The following PRKG1 variants were observed in gnomAD, a reference collection of about 807,000 sequenced individuals.
The protein encoded by PRKG1 is cGMP-dependent protein kinase 1.
PRKG1 carries 35 observed loss-of-function variants against 88.1 expected under a neutral mutation model. That is an observed-to-expected ratio of 0.40 (90% CI 0.30 to 0.53). The LOEUF (loss-of-function observed/expected upper bound fraction) is 0.53. Ranked by LOEUF, PRKG1 falls within the 20% of genes least tolerant of loss-of-function variation. The probability of loss-of-function intolerance (pLI) is 0.59; values close to 1 mark genes in which losing one functional copy is unlikely to be tolerated. For synonymous variants in PRKG1, 303 were observed against 292.5 expected (o/e 1.04, Z -0.37); for missense variants, 540 against 839.8 (o/e 0.64, Z 4.41).
At chr10:52,233,783 C>T (rs921542810) in intron 9 of PRKG1, among the ~76,000 whole-genome samples, 21 of 151,468 alleles carry the variant, frequency 1.4e-4, no homozygotes, top group East Asian at 1.2e-3. Flanking sequence ...ACAAAGCAGC[C>T]GGGAAGCTCG....
intron 2 of PRKG1, chr10:51,320,185 A>G (rs1342161322): frequency 6.3e-6 from 1 of 159,300 alleles, no homozygotes; most frequent in African/African-American, 2.4e-5. Context: ...TTGATGTACA[A>G]TTTGAATGAG....
In PRKG1 at chr10:51,406,190, A is replaced by T. The variant is rs539536349; in HGVS notation, c.479-61533A>T. On this transcript the variant is annotated intron_variant, in intron 2 of 17. Transcript: ENST00000373980. The stretch of plus-strand genomic sequence containing the variant: ...CCAGCCCCACTGCCTGCTGCTGCAG[A>T]ACTCAACCAATGAAATCAATTTGTT... Among the ~76,000 whole-genome samples, 67 of 152,290 alleles carry T rather than the reference A, an allele frequency of 4.4e-4. 2 individuals carry two copies. The highest frequency in any genetic ancestry group is 4.0e-4 in the Non-Finnish European group (27 of 68,022).
chr10:51,704,242 C>CAGATAGATAGATAGAT (rs570192025), intron 3 of PRKG1, among the ~76,000 whole-genome samples: 226 of 150,900 alleles, frequency 1.5e-3, no homozygotes, highest in African/African-American at 4.9e-3. Flanking sequence ...GATAGACAGA[C>CAGATAGATAGATAGAT]AGACAGACAG....
At chr10:52,023,024 G>A (rs112791182) in intron 5 of PRKG1, among the ~76,000 whole-genome samples, 2,026 of 152,054 alleles carry the variant, frequency 0.013, 55 homozygotes, top group African/African-American at 0.046. Flanking sequence ...CCATCAACCC[G>A]TCATCTACAT....
rs114703061 is a variant in PRKG1, at chr10:51,631,773, A to G, written c.592+163937A>G. On this transcript the variant is annotated intron_variant, in intron 3 of 17. Coordinates refer to ENST00000373980, the MANE Select transcript of PRKG1 (RefSeq NM_006258.4). ...CTGCTGCTGATCTGACAGGAGGTGG[A>G]GCTCGGGTGGTAATGCCAGTGATGG... 5.4e-3 allele frequency among the ~76,000 whole-genome samples: 823 copies of G among 152,254 alleles called. 7 individuals carry two copies. Among genetic ancestry groups the G allele is most frequent in the African/African-American group, 0.019 (791 of 41,544 alleles).
chr10:51,726,433 G>T (rs944887102), intron 3 of PRKG1, among the ~76,000 whole-genome samples: 20 of 152,176 alleles, frequency 1.3e-4, no homozygotes, highest in African/African-American at 4.8e-4. Context: ...ATGTCCTCTT[G>T]TGCATCTGCA....
intron 3 of PRKG1, among the ~76,000 whole-genome samples, chr10:51,757,742 A>G (rs1431830912): frequency 2.0e-5 from 3 of 152,248 alleles, no homozygotes; most frequent in South Asian, 2.1e-4. Flanking sequence ...TATGGTGACT[A>G]TATTTTAAAA....
intron 1 of PRKG1, among the ~76,000 whole-genome samples, chr10:51,115,910 G>T (rs1845112670): frequency 1.3e-5 from 2 of 151,634 alleles, no homozygotes; most frequent in East Asian, 3.9e-4. Flanking sequence ...TGCAAACATA[G>T]AGAAGAAATC....
chr10:51,644,980 G>A (rs1199090744), intron 3 of PRKG1, among the ~76,000 whole-genome samples: 1 of 152,040 alleles, frequency 6.6e-6, no homozygotes, highest in African/African-American at 2.4e-5. Context: ...TAGAGATGGG[G>A]TTTCATCATA....
intron 2 of PRKG1, among the ~76,000 whole-genome samples, chr10:51,436,181 T>C (rs1172782916): frequency 6.6e-6 from 1 of 151,852 alleles, no homozygotes; most frequent in Non-Finnish European, 1.5e-5. Flanking sequence ...AGTTGTTTTT[T>C]TTTTTTTTTA....
chr10:51,950,707 G>A (rs868855540), intron 5 of PRKG1, among the ~76,000 whole-genome samples: 3 of 152,232 alleles, frequency 2.0e-5, no homozygotes, highest in African/African-American at 4.8e-5. Context: ...ACAGCTGCAC[G>A]TCAGCAGCTC....
chr10:51,159,463 G>A (rs1360446991), intron 2 of PRKG1, among the ~76,000 whole-genome samples: 1 of 152,056 alleles, frequency 6.6e-6, no homozygotes, highest in African/African-American at 2.4e-5. Flanking sequence ...TCCTTTATGG[G>A]ACCAAGCTTA....
At position 52,087,162 on chromosome 10, in the gene PRKG1, G is replaced by A. The variant is rs139550466; in HGVS notation, c.935+24531G>A. On this transcript the variant is annotated intron_variant, in intron 7 of 17. Coordinates refer to ENST00000373980, the MANE Select transcript of PRKG1 (RefSeq NM_006258.4). ...AACAACTGCATTTTTCTCCAGCAAC[G>A]TATGAGGGGATTTGTTCCGTAAAGC... Among the ~76,000 whole-genome samples the A allele has an allele frequency of 2.9e-3, 437 of 152,258 alleles. 4 individuals carry two copies. The highest frequency in any genetic ancestry group is 0.027 in the East Asian group (139 of 5,180).
At chr10:51,751,428 A>G (rs1837722347) in intron 3 of PRKG1, among the ~76,000 whole-genome samples, 1 of 152,068 alleles carries the variant, frequency 6.6e-6, no homozygotes, top group South Asian at 2.1e-4. Flanking sequence ...GGATTTCACC[A>G]TGTTGGCCAG....
chr10:51,867,551 A>C (rs1434686979), intron 4 of PRKG1, among the ~76,000 whole-genome samples: 1 of 152,202 alleles, frequency 6.6e-6, no homozygotes, highest in Non-Finnish European at 1.5e-5. Flanking sequence ...AATTTAAATC[A>C]ACTGGCCATG....
At chr10:52,248,439 CAG>C (rs1841081785) in intron 9 of PRKG1, among the ~76,000 whole-genome samples, 1 of 152,098 alleles carries the variant, frequency 6.6e-6, no homozygotes, top group Non-Finnish European at 1.5e-5. Context: ...CAAGTACAAA[CAG>C]AATGGAGGAT....
intron 2 of PRKG1, among the ~76,000 whole-genome samples, chr10:51,449,826 C>G (rs1357470153): frequency 6.6e-6 from 1 of 151,136 alleles, no homozygotes; most frequent in Admixed American, 6.6e-5. Context: ...AAGTAGAATG[C>G]AAATTCCTTT....
At position 51,473,098 on chromosome 10, in the gene PRKG1, G is replaced by A. The variant is rs1164396420; in HGVS notation, c.592+5262G>A. Among the ~76,000 whole-genome samples the A allele has an allele frequency of 2.0e-5, 3 of 151,876 alleles. No homozygotes were observed. The East Asian group carries it at 5.8e-4, about 29-fold the overall frequency. ...GGAAGTTGTTACACTTGTGTAGTGA[G>A]TTAATTAGACAATATTCTTCTTAGT... On this transcript the variant is annotated intron_variant, in intron 3 of 17. Coordinates refer to ENST00000373980, the MANE Select transcript of PRKG1 (RefSeq NM_006258.4).
intron 5 of PRKG1, among the ~76,000 whole-genome samples, chr10:51,952,216 G>A (rs1254142954): frequency 2.0e-5 from 3 of 152,208 alleles, no homozygotes; most frequent in Non-Finnish European, 4.4e-5. Flanking sequence ...TTGTCCAAAT[G>A]TTGTTAAAAA....
Sources: gnomAD v4.1 joint callset for allele counts (sites outside exome capture counted in the v4.1 genomes callset) on GRCh38, gnomAD v4.1.1 for gene constraint, MANE v1.5 for transcripts, NCBI Gene and HGNC (gene_info 2026-07-23, HGNC 2026-07-21) for gene names.